EFHD1: variants seen among roughly 807,000 people sequenced by gnomAD.
EFHD1 encodes the protein EF-hand domain family member D1.
A neutral mutation model predicts 17.2 loss-of-function variants in EFHD1; 10 were observed. The ratio of observed to expected loss-of-function variants is 0.58; its 90% CI spans 0.36 to 0.99. The LOEUF is 0.99. EFHD1 is among the 50% of genes least tolerant of loss of function. The pLI is 0.01. For missense variants in EFHD1, 310 were observed against 327.5 expected, an observed-to-expected ratio of 0.95 and a Z score of 0.41; for synonymous variants, 153 against 142.0, an observed-to-expected ratio of 1.08 and a Z score of -0.55.
At chr2:232,671,708 C>T (rs1323939024) in intron 2 of EFHD1, among the ~76,000 whole-genome samples, 1 of 151,144 alleles carries the variant, frequency 6.6e-6, no homozygotes, top group East Asian at 1.9e-4. Flanking sequence ...GCCTGGGCAA[C>T]AAGAGTGAAA....
intron 1 of EFHD1, among the ~76,000 whole-genome samples, chr2:232,619,509 C>G (rs1693984678): frequency 1.3e-5 from 2 of 151,934 alleles, no homozygotes; most frequent in South Asian, 4.1e-4. Flanking sequence ...CGAGGTTTCA[C>G]CATGTTGGCC....
chr2:232,614,039 CACAA>C (rs1269453500), intron 1 of EFHD1, among the ~76,000 whole-genome samples: 3 of 116,980 alleles, frequency 2.6e-5, no homozygotes, highest in Non-Finnish European at 3.9e-5. Flanking sequence ...CACAAACATA[CACAA>C]ACACACACAT....
intron 1 of EFHD1, among the ~76,000 whole-genome samples, chr2:232,640,811 G>A (rs900317309): frequency 1.3e-5 from 2 of 152,122 alleles, no homozygotes; most frequent in Non-Finnish European, 2.9e-5. Flanking sequence ...GTCGTTCTGG[G>A]CACAGCCAGG....
intron 1 of EFHD1, among the ~76,000 whole-genome samples, chr2:232,607,891 C>T (rs187223561): frequency 1.0e-4 from 15 of 150,594 alleles, no homozygotes; most frequent in Non-Finnish European, 1.8e-4. Context: ...TCCAGGAGTT[C>T]TAGACCAGCC....
At chr2:232,640,105 C>G (rs575631339) in intron 1 of EFHD1, among the ~76,000 whole-genome samples, 1 of 152,138 alleles carries the variant, frequency 6.6e-6, no homozygotes, top group African/African-American at 2.4e-5. Flanking sequence ...CAGGAATAAC[C>G]TTGAGTTATT....
intron 2 of EFHD1, among the ~76,000 whole-genome samples, chr2:232,666,569 C>G (rs1001924191): frequency 6.6e-6 from 1 of 152,216 alleles, no homozygotes; most frequent in African/African-American, 2.4e-5. Flanking sequence ...AGGTGCTCCT[C>G]CCTGAATCCA....
At position 232,634,151 on chromosome 2, in the gene EFHD1, G is replaced by A. The variant is rs989553907; in HGVS notation, c.302+145G>A. 4.2e-6 allele frequency: 6 copies of A among 1,434,104 alleles called. No homozygotes were observed. The African/African-American group carries it at 8.9e-5, about 21-fold the overall frequency. The allele number at this position is 1,434,104 out of a possible 1,614,324, so 88.8% of individuals were successfully genotyped here. A position where few individuals can be genotyped will look rare whatever the true frequency, so the allele number is the denominator to read the frequency against. On this transcript the variant is annotated intron_variant, in intron 1 of 3. Transcript: ENST00000264059. Reference sequence around the variant, plus strand: ...GGCCCAACGCAGCCAGATCTTGCGTGCTCGGGTCTATCTCGGCGCGGTGGG... The same window carrying A: ...GGCCCAACGCAGCCAGATCTTGCGTACTCGGGTCTATCTCGGCGCGGTGGG...
intron 1 of EFHD1, chr2:232,661,590 A>C (rs1694868393): frequency 8.4e-6 from 1 of 118,536 alleles, no homozygotes. Context: ...TTTTTTTGAG[A>C]CAGTCTCGCT....
At chr2:232,656,717 A>C (rs747392726) in intron 1 of EFHD1, among the ~76,000 whole-genome samples, 23 of 152,060 alleles carry the variant, frequency 1.5e-4, no homozygotes, top group Non-Finnish European at 2.6e-4. Flanking sequence ...GATTGGAGGC[A>C]TGCACCACTG....
intron 3 of EFHD1, among the ~76,000 whole-genome samples, chr2:232,673,907 C>G (rs912410464): frequency 1.1e-4 from 13 of 119,980 alleles, no homozygotes; most frequent in African/African-American, 3.6e-4. Context: ...AAGACTTCTT[C>G]TTTTTTTTTT....
chr2:232,634,205 G>A (rs978239086), intron 1 of EFHD1, among the ~76,000 whole-genome samples, 199 bp downstream of exon 1: 1 of 152,148 alleles, frequency 6.6e-6, no homozygotes, highest in Non-Finnish European at 1.5e-5. Context: ...GGGACACCAG[G>A]AGCAGGAGCT....
At chr2:232,632,389 G>A (rs1467885765), upstream of EFHD1, among the ~76,000 whole-genome samples, 1 of 152,166 alleles carries the variant, frequency 6.6e-6, no homozygotes, top group African/African-American at 2.4e-5. Context: ...AGTCCAGCGG[G>A]GTCACTGACC....
At chr2:232,641,245 T>G (rs1694426239) in intron 1 of EFHD1, among the ~76,000 whole-genome samples, 1 of 152,106 alleles carries the variant, frequency 6.6e-6, no homozygotes, top group African/African-American at 2.4e-5. Flanking sequence ...TTTTGACATG[T>G]TGCCCAGCCT....
chr2:232,607,591 C>CAA (rs34534356), intron 1 of EFHD1, among the ~76,000 whole-genome samples: 1 of 133,094 alleles, frequency 7.5e-6, no homozygotes, highest in Non-Finnish European at 1.7e-5. Flanking sequence ...GAGAATGTCT[C>CAA]AAAAAAAAAA....
At position 232,664,250 on chromosome 2, in the gene EFHD1, C is replaced by G. The variant is rs1321968512; in HGVS notation, c.450+1301C>G. ...AACTCCCAGTATCAACCCATCCTCCCACTTCAGCCTCTTGAGTAGCTGGGA... is the reference window on the plus strand; with the variant it reads ...AACTCCCAGTATCAACCCATCCTCCGACTTCAGCCTCTTGAGTAGCTGGGA... On this transcript the variant is annotated intron_variant, in intron 2 of 3. Coordinates refer to ENST00000264059, the MANE Select transcript of EFHD1 (RefSeq NM_025202.4). Among the ~76,000 whole-genome samples the G allele has an allele frequency of 2.0e-5, 3 of 151,880 alleles. No homozygotes were observed. The East Asian group carries it at 5.8e-4, about 29-fold the overall frequency.
chr2:232,644,083 C>T (rs1694481812), intron 1 of EFHD1, among the ~76,000 whole-genome samples: 1 of 152,164 alleles, frequency 6.6e-6, no homozygotes, highest in Non-Finnish European at 1.5e-5. Context: ...GTGTCGACCG[C>T]TCCCAGGCCA....
At position 232,666,549 on chromosome 2, in the gene EFHD1, G is replaced by A. The variant is rs531267763; in HGVS notation, c.450+3600G>A. Reference sequence around the variant, plus strand: ...CGCCTTCTGCCCTGTTGTACTCAGCGGCCAACTGCAGGTGCTCCTCCCTGA... The same window carrying A: ...CGCCTTCTGCCCTGTTGTACTCAGCAGCCAACTGCAGGTGCTCCTCCCTGA... On this transcript the variant is annotated intron_variant, in intron 2 of 3. Transcript: ENST00000264059. Among the ~76,000 whole-genome samples, 3 of 152,268 alleles carry A rather than the reference G, an allele frequency of 2.0e-5. No individual in the cohort carries two copies. The East Asian group carries it at 5.8e-4, about 29-fold the overall frequency.
chr2:232,608,488 G>GT (rs1693759021), intron 1 of EFHD1, among the ~76,000 whole-genome samples: 1 of 152,134 alleles, frequency 6.6e-6, no homozygotes, highest in South Asian at 2.1e-4. Flanking sequence ...CTGCTGTATT[G>GT]TTTTTTATTT....
chr2:232,667,975 G>A (rs147293135), intron 2 of EFHD1, among the ~76,000 whole-genome samples: 175 of 152,342 alleles, frequency 1.1e-3, no homozygotes, highest in African/African-American at 4.0e-3. Context: ...ATCATCGGCC[G>A]AAGCCATGAA....
Sources: gnomAD v4.1 joint callset for allele counts (sites outside exome capture counted in the v4.1 genomes callset) on GRCh38, gnomAD v4.1.1 for gene constraint, MANE v1.5 for transcripts, NCBI Gene and HGNC (gene_info 2026-07-23, HGNC 2026-07-21) for gene names.